The following SPON1 variants were observed in gnomAD, a reference collection of about 807,000 sequenced individuals.
SPON1 encodes the protein spondin 1, also known as spondin-1.
A neutral mutation model predicts 111.7 loss-of-function variants in SPON1; 52 were observed. The observed-to-expected ratio is 0.47, with a 90% CI of 0.37 to 0.59. SPON1 has a LOEUF of 0.59. Among genes scored for constraint, SPON1 ranks in the 20% least tolerant of loss-of-function variants. The pLI, the probability that SPON1 is intolerant of heterozygous loss-of-function variation, is 0.00. For synonymous variants in SPON1, 410 were observed against 395.8 expected (o/e 1.04, Z -0.43); for missense variants, 957 against 1,068.5 (o/e 0.90, Z 1.46).
chr11:14,258,113 C>T (rs1050274752), intron 11 of SPON1, among the ~76,000 whole-genome samples: 2 of 152,116 alleles, frequency 1.3e-5, no homozygotes, highest in Non-Finnish European at 2.9e-5. Flanking sequence ...GATTGACCAC[C>T]CCCTCCTTCT....
intron 6 of SPON1, among the ~76,000 whole-genome samples, chr11:14,187,521 C>T (rs189374256): frequency 3.5e-4 from 54 of 152,272 alleles, no homozygotes; most frequent in Middle Eastern, 3.4e-3. Flanking sequence ...ATATTGCCAT[C>T]CTGCCGCAAA....
At chr11:14,209,267 A>AT (rs1242544075) in intron 6 of SPON1, among the ~76,000 whole-genome samples, 1 of 152,032 alleles carries the variant, frequency 6.6e-6, no homozygotes. Flanking sequence ...AAGAAAAATA[A>AT]TTTTTTTATT....
At chr11:14,167,471 C>T (rs1848043399) in intron 6 of SPON1, among the ~76,000 whole-genome samples, 1 of 150,414 alleles carries the variant, frequency 6.6e-6, no homozygotes, top group Admixed American at 6.7e-5. Flanking sequence ...CTTCTCTCTC[C>T]TCCCCTTTTT....
intron 6 of SPON1, among the ~76,000 whole-genome samples, chr11:14,187,600 G>C (rs761931994): frequency 9.9e-5 from 15 of 152,064 alleles, no homozygotes; most frequent in Non-Finnish European, 2.1e-4. Context: ...GGTCCTAAAA[G>C]ACTTTATTTT....
chr11:14,041,723 A>G (rs1238774598), intron 3 of SPON1, 69 bp downstream of exon 3: 1 of 1,575,768 alleles, frequency 6.3e-7, no homozygotes, highest in Admixed American at 1.9e-5. Flanking sequence ...GGGAAAAAAA[A>G]AAAAGTTCTT....
chr11:13,977,693 T>C (rs1848113099), intron 1 of SPON1, among the ~76,000 whole-genome samples: 2 of 148,152 alleles, frequency 1.3e-5, no homozygotes, highest in African/African-American at 2.5e-5. Context: ...ACCCCATTTA[T>C]ATATCTTCTC....
intron 3 of SPON1, among the ~76,000 whole-genome samples, chr11:14,070,016 C>A (rs1848862750): frequency 6.6e-6 from 1 of 152,176 alleles, no homozygotes; most frequent in Admixed American, 6.5e-5. Context: ...GAGTGTGCAT[C>A]CTGGCATGTA....
At chr11:14,231,103 G>A (rs1277536523) in intron 6 of SPON1, among the ~76,000 whole-genome samples, 1 of 149,298 alleles carries the variant, frequency 6.7e-6, no homozygotes, top group East Asian at 2.0e-4. Context: ...ATGAGCCACT[G>A]TGCCCAGCCG....
intron 3 of SPON1, among the ~76,000 whole-genome samples, chr11:14,065,553 T>C (rs1848826339): frequency 6.6e-6 from 1 of 152,226 alleles, no homozygotes; most frequent in African/African-American, 2.4e-5. Flanking sequence ...GATCAGAGCA[T>C]AGTCTGGAGA....
intron 7 of SPON1, among the ~76,000 whole-genome samples, chr11:14,254,125 C>T (rs2133923730): frequency 6.6e-6 from 1 of 152,296 alleles, no homozygotes; most frequent in East Asian, 1.9e-4. Context: ...TATTGGCAGC[C>T]TTCTGAGGGC....
At chr11:14,052,823 A>G (rs1848717843) in intron 3 of SPON1, among the ~76,000 whole-genome samples, 1 of 152,212 alleles carries the variant, frequency 6.6e-6, no homozygotes, top group Non-Finnish European at 1.5e-5. Flanking sequence ...ACTGGAAAGA[A>G]TTAAATAGGA....
At chr11:14,179,786 C>A (rs1848218431) in intron 6 of SPON1, among the ~76,000 whole-genome samples, 1 of 151,966 alleles carries the variant, frequency 6.6e-6, no homozygotes, top group African/African-American at 2.4e-5. Flanking sequence ...GCACTTCTCG[C>A]AGTAGCACTT....
chr11:14,154,950 C>G (rs2133870132), intron 6 of SPON1, among the ~76,000 whole-genome samples: 1 of 152,210 alleles, frequency 6.6e-6, no homozygotes, highest in East Asian at 1.9e-4. Flanking sequence ...TTCAAAGTTC[C>G]ACAGATCTCT....
chr11:14,085,503 C>G (rs2133835144), intron 5 of SPON1, among the ~76,000 whole-genome samples: 1 of 152,100 alleles, frequency 6.6e-6, no homozygotes, highest in East Asian at 1.9e-4. Flanking sequence ...TTCCATTGAT[C>G]TATATATCTG....
intron 2 of SPON1, among the ~76,000 whole-genome samples, chr11:14,021,976 A>C (rs1848484324): frequency 6.6e-6 from 1 of 152,204 alleles, no homozygotes; most frequent in Non-Finnish European, 1.5e-5. Context: ...TTGTGCAAGC[A>C]TTGATTGTTG....
In SPON1 at chr11:14,267,835, A is replaced by C. The variant is rs782023595; in HGVS notation, c.*2148A>C. 2 of 152,192 alleles carry C rather than the reference A, an allele frequency of 1.3e-5. No individual in the cohort carries two copies. The highest frequency in any genetic ancestry group is 6.5e-5 in the Admixed American group (1 of 15,290). The allele number at this position is 152,192 out of a possible 1,614,324, so 9.4% of individuals were successfully genotyped here. A position where few individuals can be genotyped will look rare whatever the true frequency, so the allele number is the denominator to read the frequency against. On this transcript the variant is annotated 3_prime_UTR_variant, in exon 16 of 16. Transcript: ENST00000576479. ...TGAAATTTGTTTGGACTTCCACTTGAGACAGTAAAGAGAGTATTAGACACC... is the reference window on the plus strand; with the variant it reads ...TGAAATTTGTTTGGACTTCCACTTGCGACAGTAAAGAGAGTATTAGACACC...
intron 5 of SPON1, among the ~76,000 whole-genome samples, chr11:14,120,814 C>A (rs1300015421): frequency 6.6e-6 from 1 of 152,138 alleles, no homozygotes; most frequent in Non-Finnish European, 1.5e-5. Flanking sequence ...GGATTTCCTT[C>A]CGTAACCCCA....
intron 6 of SPON1, among the ~76,000 whole-genome samples, chr11:14,160,819 T>C (rs1847927033): frequency 1.9e-5 from 1 of 52,640 alleles, no homozygotes; most frequent in South Asian, 7.5e-4. Context: ...TATTTTTATA[T>C]ATATTTTATA....
chr11:14,177,055 T>G (rs544226666), intron 6 of SPON1, among the ~76,000 whole-genome samples: 51 of 152,262 alleles, frequency 3.3e-4, no homozygotes, highest in Middle Eastern at 3.4e-3. Flanking sequence ...TGTTTGTTTG[T>G]TTTGAGATGG....
Sources: gnomAD v4.1 joint callset for allele counts (sites outside exome capture counted in the v4.1 genomes callset) on GRCh38, gnomAD v4.1.1 for gene constraint, MANE v1.5 for transcripts, NCBI Gene and HGNC (gene_info 2026-07-23, HGNC 2026-07-21) for gene names.